The following ADGRL3 variants were observed in gnomAD, a reference collection of about 807,000 sequenced individuals.
The protein encoded by ADGRL3 is calcium-independent alpha-latrotoxin receptor 3.
A neutral mutation model predicts 153.5 loss-of-function variants in ADGRL3; 62 were observed. The observed-to-expected ratio is 0.40, with a 90% CI of 0.33 to 0.50. ADGRL3 has a LOEUF of 0.50. Ranked by LOEUF, ADGRL3 falls within the 20% of genes least tolerant of loss-of-function variation. The pLI is 0.47. For missense variants in ADGRL3, 1,641 were observed against 1,859.4 expected, an observed-to-expected ratio of 0.88 and a Z score of 2.16; for synonymous variants, 710 against 672.5, an observed-to-expected ratio of 1.06 and a Z score of -0.86.
intron 2 of ADGRL3, among the ~76,000 whole-genome samples, chr4:61,428,894 CATCT>C (rs5858699): frequency 0.25 from 23,829 of 96,896 alleles, 2,328 homozygotes; most frequent in African/African-American, 0.33. Flanking sequence ...CTATCTATAT[CATCT>C]ATCTATCTAT....
At chr4:61,711,468 A>G (rs977734695) in intron 6 of ADGRL3, among the ~76,000 whole-genome samples, 2 of 87,772 alleles carry the variant, frequency 2.3e-5, no homozygotes, top group East Asian at 1.1e-3. Flanking sequence ...TTATATATAT[A>G]TATATATATA....
chr4:61,297,161 G>A (rs747890334), intron 1 of ADGRL3, among the ~76,000 whole-genome samples: 1 of 152,110 alleles, frequency 6.6e-6, no homozygotes, highest in African/African-American at 2.4e-5. Context: ...TGCACTTTTT[G>A]ATTGCATGGG....
At chr4:61,860,331 T>C (rs1002785960) in intron 9 of ADGRL3, among the ~76,000 whole-genome samples, 2 of 152,146 alleles carry the variant, frequency 1.3e-5, no homozygotes, top group African/African-American at 2.4e-5. Context: ...GGTCTTTTTC[T>C]TTAACAATAT....
At chr4:61,835,899 G>T (rs2097927266) in intron 9 of ADGRL3, among the ~76,000 whole-genome samples, 1 of 152,164 alleles carries the variant, frequency 6.6e-6, no homozygotes, top group South Asian at 2.1e-4. Flanking sequence ...GCCTAGAGAA[G>T]CCAATTTTTA....
chr4:61,564,519 T>C (rs746917774), intron 4 of ADGRL3, among the ~76,000 whole-genome samples: 1 of 152,236 alleles, frequency 6.6e-6, no homozygotes, highest in Non-Finnish European at 1.5e-5. Context: ...GCAGTCTGGC[T>C]GCTTTGGCCT....
At chr4:61,801,393 A>G (rs1335545184) in intron 8 of ADGRL3, among the ~76,000 whole-genome samples, 1 of 152,150 alleles carries the variant, frequency 6.6e-6, no homozygotes, top group African/African-American at 2.4e-5. Flanking sequence ...TATATATGAC[A>G]TGATGTGAAA....
chr4:61,354,636 A>C (rs932528160), intron 1 of ADGRL3, among the ~76,000 whole-genome samples: 2 of 151,594 alleles, frequency 1.3e-5, no homozygotes, highest in Non-Finnish European at 2.9e-5. Flanking sequence ...CAACTCAATA[A>C]GCTATTGTAA....
In ADGRL3 at chr4:61,844,656, A is replaced by G. The variant is rs979890367; in HGVS notation, c.1480+30767A>G. Among the ~76,000 whole-genome samples, 14 of 147,392 alleles carry G rather than the reference A, an allele frequency of 9.5e-5. No individual in the cohort carries two copies. In the South Asian group the frequency reaches 3.0e-3, roughly 32 times the overall value. ...ACTGACTAAAACGAATAATCGTAATAACCTCATTGTTTTGTAGTTTGAACA... is the reference window on the plus strand; with the variant it reads ...ACTGACTAAAACGAATAATCGTAATGACCTCATTGTTTTGTAGTTTGAACA... On this transcript the variant is annotated intron_variant, in intron 9 of 26. Transcript: ENST00000683033.
chr4:61,449,357 G>A (rs763218985), intron 2 of ADGRL3, among the ~76,000 whole-genome samples: 1 of 151,708 alleles, frequency 6.6e-6, no homozygotes, highest in African/African-American at 2.4e-5. Flanking sequence ...GGATGGTCTC[G>A]ATTTCCTGAC....
At chr4:61,399,882 A>G (rs4860413) in intron 2 of ADGRL3, among the ~76,000 whole-genome samples, 137,429 of 151,730 alleles carry the variant, frequency 0.91, 63,494 homozygotes, top group Non-Finnish European at 1. Context: ...AACTCAGTTG[A>G]AATGACAGAG....
At chr4:61,453,220 T>TAAGAATTGG (rs1459006709) in intron 2 of ADGRL3, among the ~76,000 whole-genome samples, 1 of 152,084 alleles carries the variant, frequency 6.6e-6, no homozygotes, top group African/African-American at 2.4e-5. Context: ...TTAAAGGATT[T>TAAGAATTGG]AAGAATTGGT....
intron 5 of ADGRL3, among the ~76,000 whole-genome samples, chr4:61,620,995 T>C (rs1025022852): frequency 6.6e-6 from 1 of 152,158 alleles, no homozygotes; most frequent in Non-Finnish European, 1.5e-5. Context: ...GATTTTATGA[T>C]TATTATTTTA....
intron 9 of ADGRL3, among the ~76,000 whole-genome samples, chr4:61,854,775 C>T (rs922262356): frequency 6.6e-6 from 1 of 152,142 alleles, no homozygotes; most frequent in African/African-American, 2.4e-5. Flanking sequence ...CTACCTTTGT[C>T]AGATGATGAA....
At chr4:61,269,407 G>A (rs2093034234) in intron 1 of ADGRL3, among the ~76,000 whole-genome samples, 1 of 151,614 alleles carries the variant, frequency 6.6e-6, no homozygotes, top group South Asian at 2.1e-4. Flanking sequence ...TGTGTTTCAA[G>A]TTTGAGTAGA....
intron 2 of ADGRL3, among the ~76,000 whole-genome samples, chr4:61,439,400 A>C (rs997954158): frequency 1.3e-5 from 2 of 152,170 alleles, no homozygotes; most frequent in Non-Finnish European, 2.9e-5. Context: ...CCCTTTTATA[A>C]ATCAGAAGTG....
At chr4:61,624,212 C>T (rs377558396) in intron 5 of ADGRL3, among the ~76,000 whole-genome samples, 2 of 151,992 alleles carry the variant, frequency 1.3e-5, no homozygotes, top group African/African-American at 2.4e-5. Flanking sequence ...AAAATAAAAT[C>T]GATTTGCATT....
intron 7 of ADGRL3, among the ~76,000 whole-genome samples, chr4:61,730,966 T>C (rs903905738): frequency 6.6e-6 from 1 of 151,972 alleles, no homozygotes; most frequent in Non-Finnish European, 1.5e-5. Flanking sequence ...AGCTCTGGCA[T>C]GGTTTCCCCA....
chr4:61,261,766 C>T (rs2092539888), intron 1 of ADGRL3, among the ~76,000 whole-genome samples: 1 of 152,046 alleles, frequency 6.6e-6, no homozygotes, highest in Non-Finnish European at 1.5e-5. Context: ...TCTAAACCAG[C>T]CAGGGAGGTC....
intron 8 of ADGRL3, among the ~76,000 whole-genome samples, chr4:61,792,821 C>T (rs1451816988): frequency 1.3e-5 from 2 of 151,930 alleles, no homozygotes; most frequent in African/African-American, 4.8e-5. Flanking sequence ...TTTCTGAGCC[C>T]TCCAAACTGT....
Sources: allele counts gnomAD v4.1 joint callset (sites outside exome capture counted in the v4.1 genomes callset), GRCh38; gene constraint gnomAD v4.1.1; transcripts MANE v1.5; gene names NCBI Gene and HGNC (gene_info 2026-07-23, HGNC 2026-07-21).